The following PSD3 variants were observed in gnomAD, a reference collection of about 807,000 sequenced individuals.
PSD3 encodes the protein pleckstrin and Sec7 domain containing 3.
In PSD3, 49 loss-of-function variants were observed where a neutral mutation model predicts 105.5. The observed-to-expected ratio is 0.46, with a 90% CI of 0.37 to 0.59. PSD3 has a LOEUF of 0.59. PSD3 is among the 20% of genes least tolerant of loss of function. The pLI, the probability that PSD3 is intolerant of heterozygous loss-of-function variation, is 0.00. For missense variants in PSD3, 1,561 were observed against 1,263.8 expected (o/e 1.24, Z -3.57); for synonymous variants, 557 against 457.8 (o/e 1.22, Z -2.77).
intron 2 of PSD3, among the ~76,000 whole-genome samples, chr8:18,928,265 G>C (rs1319074296): frequency 1.3e-5 from 2 of 152,154 alleles, no homozygotes; most frequent in South Asian, 4.1e-4. Flanking sequence ...TTTTATAAAT[G>C]GGAATTTCTC....
intron 14 of PSD3, among the ~76,000 whole-genome samples, chr8:18,560,175 T>TACACACACACACACACACAC (rs5889808): frequency 2.0e-4 from 29 of 143,448 alleles, no homozygotes; most frequent in African/African-American, 6.8e-4. Flanking sequence ...ATACACATTT[T>TACACACACACACACACACAC]ACACACACAC....
At chr8:19,019,472 C>T (rs1016880896) in intron 1 of PSD3, among the ~76,000 whole-genome samples, 1 of 152,066 alleles carries the variant, frequency 6.6e-6, no homozygotes, top group East Asian at 1.9e-4. Context: ...TTTCAATAAG[C>T]GGGCTGCCTA....
chr8:18,975,897 C>A (rs918494582), intron 1 of PSD3, among the ~76,000 whole-genome samples: 1 of 152,086 alleles, frequency 6.6e-6, no homozygotes, highest in African/African-American at 2.4e-5. Flanking sequence ...GAAATAGGCA[C>A]CCTGACATAC....
intron 14 of PSD3, among the ~76,000 whole-genome samples, chr8:18,566,658 C>A (rs1801783860): frequency 6.6e-6 from 1 of 152,256 alleles, no homozygotes; most frequent in South Asian, 2.1e-4. Flanking sequence ...CATCTCATTT[C>A]TTTCCAAATA....
rs1007940203 is a variant in PSD3, at chr8:18,772,690, A to G, written c.2083-7152T>C. Among the ~76,000 whole-genome samples the G allele has an allele frequency of 3.9e-5, 6 of 151,976 alleles. No individual in the cohort carries two copies. The East Asian group carries it at 7.7e-4, about 20-fold the overall frequency. On this transcript the variant is annotated intron_variant, in intron 8 of 15. Coordinates refer to ENST00000327040, the MANE Select transcript of PSD3 (RefSeq NM_015310.4). ...TGCCCGGCTAATTTTTTGTATTTTTAGTAGAGATGGGGTTTTACCATGTTG... is the reference window on the plus strand; with the variant it reads ...TGCCCGGCTAATTTTTTGTATTTTTGGTAGAGATGGGGTTTTACCATGTTG...
At chr8:18,611,295 G>A (rs1805246850) in intron 11 of PSD3, among the ~76,000 whole-genome samples, 2 of 149,794 alleles carry the variant, frequency 1.3e-5, no homozygotes, top group African/African-American at 4.9e-5. Context: ...TTCACCTTTT[G>A]TACAGTATGT....
intron 1 of PSD3, among the ~76,000 whole-genome samples, chr8:19,065,518 G>A (rs1436141133): frequency 6.6e-6 from 1 of 152,164 alleles, no homozygotes; most frequent in Non-Finnish European, 1.5e-5. Context: ...CTTGAAGTTA[G>A]GGTTCCCATG....
chr8:18,841,240 T>C (rs1383607209), intron 4 of PSD3, among the ~76,000 whole-genome samples: 2 of 152,120 alleles, frequency 1.3e-5, no homozygotes, highest in Admixed American at 1.3e-4. Context: ...CTAGTGTGTA[T>C]GCCAATATTC....
At chr8:18,978,154 G>A (rs1051203785) in intron 1 of PSD3, among the ~76,000 whole-genome samples, 3 of 152,212 alleles carry the variant, frequency 2.0e-5, no homozygotes, top group South Asian at 2.1e-4. Flanking sequence ...GCCAAAGCAG[G>A]TAACACAGCT....
intron 9 of PSD3, among the ~76,000 whole-genome samples, chr8:18,676,944 G>T (rs549137892): frequency 2.6e-5 from 4 of 152,064 alleles, no homozygotes; most frequent in Non-Finnish European, 5.9e-5. Flanking sequence ...AAGAGCCTGC[G>T]GTCTGTAACA....
At chr8:18,874,449 G>A (rs1314842430) in intron 2 of PSD3, among the ~76,000 whole-genome samples, 1 of 152,056 alleles carries the variant, frequency 6.6e-6, no homozygotes, top group Non-Finnish European at 1.5e-5. Context: ...ACAGTCATGA[G>A]CCATCGCACC....
chr8:18,865,223 GTTATATATATATATAT>G (rs1816735168), intron 4 of PSD3: 1 of 74,228 alleles, frequency 1.3e-5, no homozygotes, highest in Non-Finnish European at 2.7e-5. Context: ...CAGATTCTAT[GTTATATATATATATAT>G]ATATATATAT....
intron 2 of PSD3, among the ~76,000 whole-genome samples, chr8:18,934,745 G>C (rs1235198151): frequency 1.3e-5 from 2 of 152,182 alleles, no homozygotes; most frequent in African/African-American, 4.8e-5. Context: ...CAGTTTATAA[G>C]TTCAAGGCCA....
chr8:18,921,980 G>C (rs1486237645), intron 2 of PSD3, among the ~76,000 whole-genome samples: 2 of 152,168 alleles, frequency 1.3e-5, no homozygotes, highest in African/African-American at 4.8e-5. Context: ...GTTTTTAAAA[G>C]TTAGCTCAAT....
chr8:18,902,722 T>G (rs1819587276), intron 2 of PSD3, among the ~76,000 whole-genome samples: 1 of 152,224 alleles, frequency 6.6e-6, no homozygotes, highest in Non-Finnish European at 1.5e-5. Flanking sequence ...ATGTGGTAAC[T>G]GTTTCCAGAC....
rs1803872052 is a variant in PSD3 at position 18,594,239 on chromosome 8, TTATTATA to T, written c.2481+6118_2481+6124del. On this transcript the variant is annotated intron_variant, in intron 12 of 15. Coordinates refer to ENST00000327040, the MANE Select transcript of PSD3 (RefSeq NM_015310.4). ...TATTATATATATTATATAATATATA[TTATTATA>T]TATATTATATAATATATATTATTAT... Among the ~76,000 whole-genome samples, 2 of 5,854 alleles carry T rather than the reference TTATTATA, an allele frequency of 3.4e-4. 1 individual carries two copies. The highest frequency in any genetic ancestry group is 7.1e-4 in the Non-Finnish European group (2 of 2,816). The allele number at this position is 5,854 out of a possible 152,430, so 3.8% of individuals were successfully genotyped here.
intron 9 of PSD3, among the ~76,000 whole-genome samples, chr8:18,664,913 G>A (rs1025887674): frequency 1.3e-5 from 2 of 152,184 alleles, no homozygotes; most frequent in Non-Finnish European, 2.9e-5. Context: ...TCTGTTGACA[G>A]GATGGTTTGC....
rs751331850 is a variant in PSD3 at position 18,535,883 on chromosome 8, C to A, written c.3004G>T (p.Ala1002Ser). The change falls in exon 16 of 16, where the codon GCT (alanine) becomes TCT (serine). Residue 1002 changes from alanine (A) to serine (S), a missense_variant. Physicochemically the swap from Ala to Ser is moderately conservative, Grantham distance 99 (BLOSUM62 1). Coordinates refer to ENST00000327040, the MANE Select transcript of PSD3 (RefSeq NM_015310.4). ...GAGTGCGACTTCTTCAGTCCTGCAG[C>A]CTCGCTTTCATCGTTACTCAGTAGC... ...KELLSNDESEAAGLKKSHSSP... is the reference protein window; with the variant it reads ...KELLSNDESESAGLKKSHSSP... 1 of 1,614,182 alleles carries A rather than the reference C, an allele frequency of 6.2e-7. No individual in the cohort carries two copies. Among genetic ancestry groups the A allele is most frequent in the East Asian group, 2.2e-5 (1 of 44,876 alleles).
At chr8:19,008,177 G>C (rs556041908) in intron 1 of PSD3, among the ~76,000 whole-genome samples, 1 of 152,312 alleles carries the variant, frequency 6.6e-6, no homozygotes, top group Non-Finnish European at 1.5e-5. Flanking sequence ...ATAAGCATCA[G>C]CGGGTGGGGA....
Sources: gnomAD v4.1 joint callset for allele counts (sites outside exome capture counted in the v4.1 genomes callset) on GRCh38, gnomAD v4.1.1 for gene constraint, MANE v1.5 for transcripts, NCBI Gene and HGNC (gene_info 2026-07-23, HGNC 2026-07-21) for gene names.